HCN1: variants seen among roughly 807,000 people sequenced by gnomAD.
The protein encoded by HCN1 is hyperpolarization activated cyclic nucleotide gated potassium channel 1.
HCN1 carries 13 observed loss-of-function variants against 78.9 expected under a neutral mutation model. That is an observed-to-expected ratio of 0.16 (90% confidence interval 0.11 to 0.26). HCN1 has a LOEUF of 0.26. Ranked by LOEUF, HCN1 falls within the 10% of genes least tolerant of loss-of-function variation. HCN1 has a pLI of 1.00. For missense variants in HCN1, 810 were observed against 1,154.3 expected (o/e 0.70, Z 4.32); for synonymous variants, 552 against 455.5 (o/e 1.21, Z -2.70).
At chr5:45,643,325 C>A (rs1561229888) in intron 2 of HCN1, 1 of 152,164 alleles carries the variant, frequency 6.6e-6, no homozygotes, top group East Asian at 1.9e-4. Flanking sequence ...TAAAAATAGT[C>A]ACATTGCTAC....
chr5:45,350,702 A>C (rs1425654217), intron 5 of HCN1, among the ~76,000 whole-genome samples: 1 of 151,046 alleles, frequency 6.6e-6, no homozygotes, highest in African/African-American at 2.4e-5. Flanking sequence ...TCAATGTACA[A>C]AAATCACAAG....
At chr5:45,297,326 C>T (rs1020850320) in intron 6 of HCN1, among the ~76,000 whole-genome samples, 1 of 152,070 alleles carries the variant, frequency 6.6e-6, no homozygotes, top group East Asian at 1.9e-4. Flanking sequence ...TCCTTGTCCT[C>T]ATTCCCATAA....
intron 5 of HCN1, 138 bp from the exon 6 acceptor site, chr5:45,303,977 G>A: frequency 2.5e-6 from 2 of 799,184 alleles, no homozygotes; most frequent in Middle Eastern, 3.5e-4. Context: ...TTCTAGTAAT[G>A]CGCATCATAT....
chr5:45,374,914 A>G (rs2112015684), intron 4 of HCN1, among the ~76,000 whole-genome samples: 1 of 144,400 alleles, frequency 6.9e-6, no homozygotes, highest in Non-Finnish European at 1.5e-5. Flanking sequence ...AGAGAGAGAG[A>G]ACTATACTAT....
intron 1 of HCN1, among the ~76,000 whole-genome samples, chr5:45,680,727 T>C (rs989704380): frequency 6.6e-6 from 1 of 152,142 alleles, no homozygotes; most frequent in African/African-American, 2.4e-5. Flanking sequence ...AATTAAGACC[T>C]CTTCCTTTTT....
intron 2 of HCN1, among the ~76,000 whole-genome samples, chr5:45,577,236 T>C (rs1423638832): frequency 6.6e-6 from 1 of 152,014 alleles, no homozygotes; most frequent in African/African-American, 2.4e-5. Context: ...GGAAATAATA[T>C]TAATAGCATC....
chr5:45,407,144 A>G lies in HCN1; in HGVS notation c.1012-10434T>C, dbSNP rs533644622. Among the ~76,000 whole-genome samples the G allele has an allele frequency of 2.6e-5, 4 of 152,282 alleles. No individual in the cohort carries two copies. In the South Asian group the frequency reaches 8.3e-4, roughly 32 times the overall value. ...AGTAAAATAAGTACAATCATGCACCACATAATGATGTTTCAGTTAATGATG... is the reference window on the plus strand; with the variant it reads ...AGTAAAATAAGTACAATCATGCACCGCATAATGATGTTTCAGTTAATGATG... On this transcript the variant is annotated intron_variant, in intron 3 of 7. Transcript: ENST00000303230.
At chr5:45,408,401 T>C (rs949248774) in intron 3 of HCN1, among the ~76,000 whole-genome samples, 1 of 152,158 alleles carries the variant, frequency 6.6e-6, no homozygotes, top group African/African-American at 2.4e-5. Context: ...CTTTTCTATG[T>C]TTAGATACAC....
intron 4 of HCN1, among the ~76,000 whole-genome samples, chr5:45,363,864 C>A (rs1747176057): frequency 6.6e-6 from 1 of 152,078 alleles, no homozygotes; most frequent in East Asian, 1.9e-4. Context: ...AACTGTAAGT[C>A]CAATTAAATC....
At chr5:45,273,177 C>A (rs528653756) in intron 6 of HCN1, among the ~76,000 whole-genome samples, 1 of 151,716 alleles carries the variant, frequency 6.6e-6, no homozygotes. Flanking sequence ...CTTTATAGGG[C>A]GTTTATGAAT....
intron 4 of HCN1, among the ~76,000 whole-genome samples, chr5:45,371,667 G>C (rs1465845677): frequency 6.7e-6 from 1 of 149,960 alleles, no homozygotes; most frequent in Non-Finnish European, 1.5e-5. Flanking sequence ...TGAGGCAGGA[G>C]AATCACTTGA....
intron 4 of HCN1, among the ~76,000 whole-genome samples, chr5:45,393,221 A>T (rs968100443): frequency 3.9e-5 from 6 of 152,184 alleles, no homozygotes; most frequent in African/African-American, 1.4e-4. Context: ...TGAGTTGCAA[A>T]TCCCTGAATC....
chr5:45,540,138 A>G (rs1401224808), intron 2 of HCN1, among the ~76,000 whole-genome samples: 2 of 151,868 alleles, frequency 1.3e-5, no homozygotes, highest in Non-Finnish European at 1.5e-5. Context: ...ATTGAATTAA[A>G]GCAGTATACA....
chr5:45,504,231 C>A (rs1376477101), intron 2 of HCN1, among the ~76,000 whole-genome samples: 1 of 152,226 alleles, frequency 6.6e-6, no homozygotes, highest in Non-Finnish European at 1.5e-5. Flanking sequence ...GGTATATCTC[C>A]TAATGCTTTC....
chr5:45,584,857 C>A (rs1440742762), intron 2 of HCN1, among the ~76,000 whole-genome samples: 1 of 152,106 alleles, frequency 6.6e-6, no homozygotes, highest in Non-Finnish European at 1.5e-5. Flanking sequence ...GAATATTGGC[C>A]CCCACTCTCT....
intron 2 of HCN1, among the ~76,000 whole-genome samples, chr5:45,494,059 A>G (rs994034389): frequency 2.0e-5 from 3 of 152,062 alleles, no homozygotes; most frequent in African/African-American, 7.2e-5. Flanking sequence ...CGCAATAAAC[A>G]TACGTGTGCA....
At chr5:45,639,812 G>A (rs1745419847) in intron 2 of HCN1, among the ~76,000 whole-genome samples, 1 of 152,104 alleles carries the variant, frequency 6.6e-6, no homozygotes, top group Admixed American at 6.5e-5. Flanking sequence ...TCTATCCACG[G>A]TGGCCTCCAA....
At chr5:45,436,040 T>C (rs1740555225) in intron 3 of HCN1, among the ~76,000 whole-genome samples, 1 of 152,164 alleles carries the variant, frequency 6.6e-6, no homozygotes, top group African/African-American at 2.4e-5. Context: ...AAAAAATAAT[T>C]GAAGCTTCAG....
intron 4 of HCN1, among the ~76,000 whole-genome samples, chr5:45,390,659 G>A (rs1304591482): frequency 1.3e-5 from 2 of 152,110 alleles, no homozygotes; most frequent in Admixed American, 6.6e-5. Context: ...CTGGGGAAAA[G>A]GGATGCCATA....
Sources: allele counts gnomAD v4.1 joint callset (sites outside exome capture counted in the v4.1 genomes callset), GRCh38; gene constraint gnomAD v4.1.1; transcripts MANE v1.5; gene names NCBI Gene and HGNC (gene_info 2026-07-23, HGNC 2026-07-21).